Variants in HEG1 observed in about 807,000 individuals in gnomAD.
HEG1 encodes the protein protein HEG homolog 1.
In HEG1, 56 loss-of-function variants were observed where a neutral mutation model predicts 125.6. The observed-to-expected ratio is 0.45, with a 90% CI of 0.36 to 0.56. The LOEUF is 0.56. Ranked by LOEUF, HEG1 falls within the 20% of genes least tolerant of loss-of-function variation. The pLI, the probability that HEG1 is intolerant of heterozygous loss-of-function variation, is 0.00. For synonymous variants in HEG1, 644 were observed against 668.5 expected (o/e 0.96, Z 0.57); for missense variants, 1,523 against 1,670.0 (o/e 0.91, Z 1.53).
intron 4 of HEG1, 132 bp downstream of exon 4, chr3:125,020,660 A>G: frequency 1.5e-6 from 1 of 689,520 alleles, no homozygotes; most frequent in East Asian, 2.7e-5. Flanking sequence ...AAGAGTGACC[A>G]TCAAAATGCA....
intron 3 of HEG1, 87 bp from the exon 4 acceptor site, chr3:125,021,217 A>G: frequency 2.0e-6 from 2 of 993,602 alleles, no homozygotes; most frequent in Non-Finnish European, 3.0e-6. Flanking sequence ...CGTTTCTTAC[A>G]TTTTGGTGGA....
chr3:125,008,492 C>G (rs1334869324), intron 8 of HEG1, among the ~76,000 whole-genome samples: 2 of 152,158 alleles, frequency 1.3e-5, no homozygotes, highest in African/African-American at 4.8e-5. Context: ...TGCCAGTTTC[C>G]TTACTTAGCT....
At chr3:124,980,338 A>G (rs533186763) in intron 14 of HEG1, among the ~76,000 whole-genome samples, 12 of 152,170 alleles carry the variant, frequency 7.9e-5, no homozygotes, top group Non-Finnish European at 1.6e-4. Context: ...TTATCCTGCC[A>G]CACCAAGTTA....
chr3:125,018,057 C>T (rs537636045), intron 5 of HEG1, among the ~76,000 whole-genome samples: 1 of 151,828 alleles, frequency 6.6e-6, no homozygotes, highest in East Asian at 1.9e-4. Context: ...TGAAAATTTA[C>T]GACCACATAT....
chr3:124,968,365 A>C lies in HEG1; in HGVS notation c.*2287T>G, dbSNP rs1030968704. ...TTCCCCACCCCCAAACGCCTCCTGG[A>C]AACTGTGGAGACTGTGTGACCTCAA... On this transcript the variant is annotated 3_prime_UTR_variant, in exon 17 of 17. Coordinates refer to ENST00000311127, the MANE Select transcript of HEG1 (RefSeq NM_020733.2). 2.0e-5 allele frequency: 3 copies of C among 152,272 alleles called. 1 individual carries two copies. The South Asian group carries it at 6.2e-4, about 32-fold the overall frequency. 9.4% of individuals were successfully genotyped at this position (152,272 alleles called of 1,614,324 possible).
chr3:125,001,191 T>C (rs1287582822), intron 11 of HEG1, among the ~76,000 whole-genome samples: 1 of 151,764 alleles, frequency 6.6e-6, no homozygotes, highest in Non-Finnish European at 1.5e-5. Context: ...GCATTTATAA[T>C]GTGCAAACAA....
In HEG1 at chr3:125,003,757, G is replaced by A. The variant is rs551256067; in HGVS notation, c.3298-1442C>T. Among the ~76,000 whole-genome samples the A allele has an allele frequency of 2.0e-5, 3 of 152,314 alleles. No individual in the cohort carries two copies. In the Middle Eastern group the frequency reaches 0.01, roughly 518 times the overall value. ...CTCCCTGCATACTGGACACACTGTT[G>A]CCAGGAGGAGTTAACACTGTGCATG... On this transcript the variant is annotated intron_variant, in intron 9 of 16. Coordinates refer to ENST00000311127, the MANE Select transcript of HEG1 (RefSeq NM_020733.2).
intron 1 of HEG1, among the ~76,000 whole-genome samples, chr3:125,032,024 A>C (rs149409187): frequency 6.6e-6 from 1 of 152,242 alleles, no homozygotes; most frequent in Non-Finnish European, 1.5e-5. Flanking sequence ...TTATCACTTC[A>C]ATATGTAACT....
intron 3 of HEG1, among the ~76,000 whole-genome samples, chr3:125,024,917 C>T (rs1204344614): frequency 2.6e-5 from 4 of 152,228 alleles, no homozygotes; most frequent in East Asian, 1.9e-4. Context: ...CCTAGTGAGG[C>T]GCATCACTCA....
chr3:125,012,760 G>A lies in HEG1; in HGVS notation c.2819C>T (p.Ala940Val). The change falls in exon 6 of 17, where the codon GCT becomes GTT. Residue 940 changes from alanine to valine, a missense_variant. Transcript: ENST00000311127. ...AGGAGATGTTCCGAGGGAACGTGAAGCTGGGCTGTACTCTGCTGTAACGCC... is the reference window on the plus strand; with the variant it reads ...AGGAGATGTTCCGAGGGAACGTGAAACTGGGCTGTACTCTGCTGTAACGCC... ...KLGVTAEYSP[A>V]SRSLGTSPSP... is the part of the protein sequence containing the mutation. 3.1e-6 allele frequency: 5 copies of A among 1,614,074 alleles called. No individual in the cohort carries two copies. The highest frequency in any genetic ancestry group is 4.2e-6 in the Non-Finnish European group (5 of 1,179,910).
chr3:125,027,692 C>A (rs895048454), intron 2 of HEG1, among the ~76,000 whole-genome samples, 185 bp from the exon 3 acceptor site: 5 of 152,126 alleles, frequency 3.3e-5, no homozygotes, highest in African/African-American at 1.2e-4. Context: ...TGTATTAGAT[C>A]TCACAAAGAT....
chr3:124,987,463 G>A (rs1234710674), intron 14 of HEG1, among the ~76,000 whole-genome samples: 1 of 151,798 alleles, frequency 6.6e-6, no homozygotes, highest in Non-Finnish European at 1.5e-5. Flanking sequence ...TCTTGCACAC[G>A]TGATACAGGT....
intron 3 of HEG1, among the ~76,000 whole-genome samples, chr3:125,026,829 G>A (rs893573814): frequency 2.2e-4 from 34 of 151,990 alleles, no homozygotes; most frequent in Admixed American, 2.0e-3. Flanking sequence ...CTGAAACCCC[G>A]TCTCTACTAA....
At chr3:124,981,503 C>T (rs1007354367) in intron 14 of HEG1, among the ~76,000 whole-genome samples, 1 of 152,196 alleles carries the variant, frequency 6.6e-6, no homozygotes, top group Non-Finnish European at 1.5e-5. Flanking sequence ...GTCTCAGTCA[C>T]CCACAAGCCT....
At chr3:124,979,756 A>G (rs562041451) in intron 14 of HEG1, among the ~76,000 whole-genome samples, 2 of 152,200 alleles carry the variant, frequency 1.3e-5, no homozygotes, top group African/African-American at 4.8e-5. Context: ...ACACGGTGAA[A>G]CCCCGTTTCT....
rs1936833469 is a variant in HEG1, at chr3:124,991,469, A to C, written c.3653-483T>G. ...CCTAGCCTCAAATCTTAACCTTATC[A>C]AAAAACTTTTCTTAACCTCTTTGTG... On this transcript the variant is annotated intron_variant, in intron 12 of 16. Transcript: ENST00000311127. Among the ~76,000 whole-genome samples the C allele has an allele frequency of 2.6e-5, 4 of 152,264 alleles. No homozygotes were observed. In the South Asian group the frequency reaches 8.3e-4, roughly 32 times the overall value.
At position 125,018,420 on chromosome 3, in the gene HEG1, G is replaced by GATGGA. The variant is rs1937285641; in HGVS notation, c.1588+837_1588+841dup. Among the ~76,000 whole-genome samples, 3 of 152,128 alleles carry GATGGA rather than the reference G, an allele frequency of 2.0e-5. 1 individual carries two copies. In the South Asian group the frequency reaches 6.2e-4, roughly 31 times the overall value. On this transcript the variant is annotated intron_variant, in intron 5 of 16. Transcript: ENST00000311127. ...TGAGTTTGGAGTTTCTTTGTGGGGTGATGGAAATGCTCTGGAATTAGACAG... is the reference window on the plus strand; with the variant it reads ...TGAGTTTGGAGTTTCTTTGTGGGGTGATGGAATGGAAATGCTCTGGAATTAGACAG...
rs1936326747 is a variant in HEG1, at chr3:124,967,013, T to C, written c.*3639A>G. ...TGGGCCCACTTTAAGAGTTACCTCT[T>C]TAAGAACTCAATCGTCACATCTTAG... On this transcript the variant is annotated 3_prime_UTR_variant, in exon 17 of 17. Coordinates refer to ENST00000311127, the MANE Select transcript of HEG1 (RefSeq NM_020733.2). 1 of 152,232 alleles carries C rather than the reference T, an allele frequency of 6.6e-6. No homozygotes were observed. The highest frequency in any genetic ancestry group is 6.5e-5 in the Admixed American group (1 of 15,288). 9.4% of individuals were successfully genotyped at this position (152,232 alleles called of 1,614,324 possible).
chr3:125,042,761 C>T (rs965567813), intron 1 of HEG1, among the ~76,000 whole-genome samples: 1 of 152,208 alleles, frequency 6.6e-6, no homozygotes, highest in African/African-American at 2.4e-5. Context: ...ACCAAGGGTC[C>T]TCCGGATGAG....
Sources: gnomAD v4.1 joint callset for allele counts (sites outside exome capture counted in the v4.1 genomes callset) on GRCh38, gnomAD v4.1.1 for gene constraint, MANE v1.5 for transcripts, NCBI Gene and HGNC (gene_info 2026-07-23, HGNC 2026-07-21) for gene names.